The following EPHA6 variants were observed in gnomAD, a reference collection of about 807,000 sequenced individuals.
EPHA6 encodes EPH receptor A6, also known as ephrin type-A receptor 6.
EPHA6 carries 50 observed loss-of-function variants against 112.0 expected under a neutral mutation model. That is an observed-to-expected ratio of 0.45 (90% CI 0.36 to 0.56). The LOEUF is 0.56. Ranked by LOEUF, EPHA6 falls within the 20% of genes least tolerant of loss-of-function variation. The pLI is 0.00. For missense variants in EPHA6, 1,280 were observed against 1,417.4 expected (o/e 0.90, Z 1.56); for synonymous variants, 529 against 490.7 (o/e 1.08, Z -1.03).
chr3:97,461,754 G>A (rs939776890), intron 7 of EPHA6, among the ~76,000 whole-genome samples: 1 of 152,036 alleles, frequency 6.6e-6, no homozygotes. Flanking sequence ...ATTTATATAG[G>A]TGACATAAAA....
chr3:96,874,342 A>G (rs1442280269), intron 2 of EPHA6, among the ~76,000 whole-genome samples: 1 of 152,094 alleles, frequency 6.6e-6, no homozygotes, highest in Non-Finnish European at 1.5e-5. Context: ...TTGTTTTTAT[A>G]TTTAATTATC....
At chr3:97,305,828 T>C (rs765909257) in intron 5 of EPHA6, among the ~76,000 whole-genome samples, 4 of 151,920 alleles carry the variant, frequency 2.6e-5, no homozygotes, top group Non-Finnish European at 5.9e-5. Context: ...CATTTACCTA[T>C]GTAACAAACC....
intron 5 of EPHA6, among the ~76,000 whole-genome samples, chr3:97,261,780 A>C (rs2079512414): frequency 6.6e-6 from 1 of 152,206 alleles, no homozygotes; most frequent in Non-Finnish European, 1.5e-5. Context: ...CCAATAGTTT[A>C]TATTAAATCA....
chr3:97,225,208 G>T (rs911598478), intron 3 of EPHA6, among the ~76,000 whole-genome samples: 2 of 152,176 alleles, frequency 1.3e-5, no homozygotes, highest in African/African-American at 4.8e-5. Context: ...GCCCGCCTCG[G>T]CCTCCCAAAG....
chr3:97,163,756 A>T (rs973271304), intron 3 of EPHA6, among the ~76,000 whole-genome samples: 4 of 152,184 alleles, frequency 2.6e-5, no homozygotes, highest in Non-Finnish European at 5.9e-5. Context: ...ACTGGCAAAG[A>T]AGACTCATCA....
At chr3:97,180,283 T>C (rs1663727182) in intron 3 of EPHA6, among the ~76,000 whole-genome samples, 1 of 152,020 alleles carries the variant, frequency 6.6e-6, no homozygotes, top group African/African-American at 2.4e-5. Flanking sequence ...TTCAGGGCAT[T>C]GGGCACTCCT....
intron 11 of EPHA6, among the ~76,000 whole-genome samples, chr3:97,551,592 C>T (rs1243330505): frequency 6.6e-6 from 1 of 152,076 alleles, no homozygotes; most frequent in Non-Finnish European, 1.5e-5. Flanking sequence ...TTTATTCTAG[C>T]ATAGCCATAT....
intron 1 of EPHA6, among the ~76,000 whole-genome samples, chr3:96,815,509 C>G (rs551599336): frequency 1.3e-3 from 202 of 152,238 alleles, no homozygotes; most frequent in Non-Finnish European, 2.6e-3. Flanking sequence ...CATGCTTCAT[C>G]TACCATCCAG....
In EPHA6 at chr3:97,749,416, G is replaced by A. The variant is rs1395699225; in HGVS notation, c.*715G>A. Among the ~76,000 whole-genome samples the A allele has an allele frequency of 1.3e-5, 2 of 151,934 alleles. No homozygotes were observed. Among genetic ancestry groups the A allele is most frequent in the East Asian group, 3.9e-4 (2 of 5,192 alleles). On this transcript the variant is annotated 3_prime_UTR_variant, in exon 18 of 18. Coordinates refer to ENST00000389672, the MANE Select transcript of EPHA6 (RefSeq NM_001080448.3). ...ATTTCATAGTAGGTGGTAGTTTAAAGGCTTTTCACCTCTAATTTTATTTAT... is the reference window on the plus strand; with the variant it reads ...ATTTCATAGTAGGTGGTAGTTTAAAAGCTTTTCACCTCTAATTTTATTTAT...
intron 5 of EPHA6, among the ~76,000 whole-genome samples, chr3:97,276,703 C>T (rs1005836130): frequency 3.3e-5 from 5 of 152,080 alleles, no homozygotes; most frequent in South Asian, 2.1e-4. Context: ...GAGAATAAGA[C>T]GGCCTTTTGA....
chr3:97,225,012 G>GT (rs2078311884), intron 3 of EPHA6, among the ~76,000 whole-genome samples: 1 of 152,018 alleles, frequency 6.6e-6, no homozygotes, highest in South Asian at 2.1e-4. Context: ...CTGGAGTGCA[G>GT]TGCCGCGATC....
intron 3 of EPHA6, among the ~76,000 whole-genome samples, chr3:97,120,634 T>A (rs2108301805): frequency 6.6e-6 from 1 of 152,096 alleles, no homozygotes; most frequent in South Asian, 2.1e-4. Context: ...TTTTAAAAAT[T>A]CCTATTTCTT....
intron 3 of EPHA6, among the ~76,000 whole-genome samples, chr3:96,998,126 A>G (rs2043491363): frequency 1.3e-5 from 2 of 151,894 alleles, no homozygotes; most frequent in South Asian, 2.1e-4. Context: ...TCCTTAATTT[A>G]AAAAGTCAAA....
At chr3:97,029,305 T>A (rs1016904843) in intron 3 of EPHA6, among the ~76,000 whole-genome samples, 4 of 151,540 alleles carry the variant, frequency 2.6e-5, no homozygotes, top group Admixed American at 6.6e-5. Flanking sequence ...TAATTACATA[T>A]AAATTACATA....
chr3:97,587,069 C>G (rs568640879), intron 11 of EPHA6, among the ~76,000 whole-genome samples: 187 of 152,162 alleles, frequency 1.2e-3, no homozygotes, highest in Non-Finnish European at 2.2e-3. Flanking sequence ...ATAGTAAAAC[C>G]CTGTCTCTAC....
At chr3:97,272,834 A>G (rs1454626290) in intron 5 of EPHA6, among the ~76,000 whole-genome samples, 5 of 152,146 alleles carry the variant, frequency 3.3e-5, no homozygotes, top group Non-Finnish European at 4.4e-5. Flanking sequence ...AGGGGATATG[A>G]TGGCTTAGCT....
At chr3:97,376,147 A>G (rs1039550239) in intron 5 of EPHA6, among the ~76,000 whole-genome samples, 2 of 152,178 alleles carry the variant, frequency 1.3e-5, no homozygotes, top group Non-Finnish European at 2.9e-5. Flanking sequence ...AAAATAATAT[A>G]TACAGTTTAT....
At chr3:97,029,818 T>C (rs567385437) in intron 3 of EPHA6, among the ~76,000 whole-genome samples, 1 of 152,148 alleles carries the variant, frequency 6.6e-6, no homozygotes, top group Non-Finnish European at 1.5e-5. Context: ...GCACTATTTT[T>C]ATTAACCAAT....
At chr3:97,479,433 G>C in intron 9 of EPHA6, 69 bp downstream of exon 9, 2 of 1,044,422 alleles carry the variant, frequency 1.9e-6, no homozygotes, top group Admixed American at 2.8e-5. Context: ...CATTCAAACT[G>C]TATCTATTGA....
Sources: allele counts gnomAD v4.1 joint callset (sites outside exome capture counted in the v4.1 genomes callset), GRCh38; gene constraint gnomAD v4.1.1; transcripts MANE v1.5; gene names NCBI Gene and HGNC (gene_info 2026-07-23, HGNC 2026-07-21).